SLC8A1: variants seen among roughly 807,000 people sequenced by gnomAD.
The protein encoded by SLC8A1 is sodium/calcium exchanger 1.
In SLC8A1, 18 loss-of-function variants were observed where a neutral mutation model predicts 68.3. That is an observed-to-expected ratio of 0.26 (90% CI 0.18 to 0.39). SLC8A1 has a LOEUF of 0.39. SLC8A1 is among the 10% of genes least tolerant of loss of function. The probability of loss-of-function intolerance (pLI) is 1.00; values close to 1 mark genes in which losing one functional copy is unlikely to be tolerated. For synonymous variants in SLC8A1, 475 were observed against 415.5 expected (o/e 1.14, Z -1.74); for missense variants, 985 against 1,156.7 (o/e 0.85, Z 2.15).
chr2:40,463,625 C>A (rs1703468563), intron 1 of SLC8A1, among the ~76,000 whole-genome samples: 1 of 152,056 alleles, frequency 6.6e-6, no homozygotes, highest in Non-Finnish European at 1.5e-5. Context: ...CATGGTTTTA[C>A]TTTCATTGCT....
At chr2:40,370,064 G>A (rs1163066183) in intron 2 of SLC8A1, among the ~76,000 whole-genome samples, 2 of 152,096 alleles carry the variant, frequency 1.3e-5, no homozygotes, top group African/African-American at 2.4e-5. Context: ...ACACAATACA[G>A]GGAGACATGG....
chr2:40,366,610 GA>G (rs1244299494), intron 2 of SLC8A1, among the ~76,000 whole-genome samples: 1 of 151,972 alleles, frequency 6.6e-6, no homozygotes, highest in Admixed American at 6.6e-5. Context: ...GCTTAAAGAG[GA>G]TTATATAACT....
chr2:40,396,748 T>TAAAAAAAAAAAAAA lies in SLC8A1; in HGVS notation c.1808+31711_1808+31724dup, dbSNP rs368483768. On this transcript the variant is annotated intron_variant, in intron 2 of 7. Coordinates refer to ENST00000406785, the Ensembl canonical transcript of SLC8A1. ...TTTAACCTCCATCATCTCTAATAAC[T>TAAAAAAAAAAAAAA]AAAAAAAAAAAAAAAAAAAAAAAAA... 3.9e-4 allele frequency among the ~76,000 whole-genome samples: 34 copies of TAAAAAAAAAAAAAA among 87,056 alleles called. 1 individual carries two copies. The highest frequency in any genetic ancestry group is 6.8e-4 in the African/African-American group (11 of 16,128). 57.1% of individuals were successfully genotyped at this position (87,056 alleles called of 152,430 possible). A position where few individuals can be genotyped will look rare whatever the true frequency, so the allele number is the denominator to read the frequency against.
intron 4 of SLC8A1, among the ~76,000 whole-genome samples, chr2:40,169,590 C>T (rs1488753742): frequency 2.0e-5 from 3 of 152,160 alleles, no homozygotes; most frequent in Non-Finnish European, 4.4e-5. Flanking sequence ...TGGCTAACAT[C>T]ATGTTGCCTG....
chr2:40,357,465 C>A (rs115382566), intron 2 of SLC8A1, among the ~76,000 whole-genome samples: 117 of 146,302 alleles, frequency 8.0e-4, no homozygotes, highest in African/African-American at 2.8e-3. Context: ...CCACTGCATG[C>A]CGGCCTGGGC....
chr2:40,368,205 T>G (rs1676880925), intron 2 of SLC8A1, among the ~76,000 whole-genome samples: 1 of 152,062 alleles, frequency 6.6e-6, no homozygotes, highest in Non-Finnish European at 1.5e-5. Flanking sequence ...GGTGAACCAG[T>G]TATCAAAACT....
chr2:40,138,296 A>G (rs2040903338), intron 7 of SLC8A1, among the ~76,000 whole-genome samples: 1 of 152,176 alleles, frequency 6.6e-6, no homozygotes, highest in Non-Finnish European at 1.5e-5. Flanking sequence ...TCAAACCAAA[A>G]GTCAGGCTTG....
At chr2:40,420,538 G>C (rs573655870) in intron 2 of SLC8A1, among the ~76,000 whole-genome samples, 81 of 152,272 alleles carry the variant, frequency 5.3e-4, no homozygotes, top group Admixed American at 2.2e-3. Context: ...TATTGTGTGA[G>C]AGAAAAAAGC....
chr2:40,198,653 A>C (rs73924573), intron 2 of SLC8A1, among the ~76,000 whole-genome samples: 16,456 of 151,924 alleles, frequency 0.11, 988 homozygotes, highest in Non-Finnish European at 0.13. Context: ...ACCCAAAGTC[A>C]GAGACCTTGA....
intron 7 of SLC8A1, among the ~76,000 whole-genome samples, chr2:40,135,422 G>A (rs960516919): frequency 6.6e-5 from 10 of 152,176 alleles, no homozygotes; most frequent in African/African-American, 2.4e-4. Flanking sequence ...TTATAGGAAA[G>A]GTCAGCCAGG....
chr2:40,238,140 G>A (rs1050415373), intron 2 of SLC8A1, among the ~76,000 whole-genome samples: 53 of 152,200 alleles, frequency 3.5e-4, no homozygotes, highest in African/African-American at 1.2e-3. Flanking sequence ...CACCCAGTTC[G>A]AGCTTCCCGG....
intron 2 of SLC8A1, among the ~76,000 whole-genome samples, chr2:40,342,876 C>T (rs1668140366): frequency 6.6e-6 from 1 of 152,088 alleles, no homozygotes; most frequent in South Asian, 2.1e-4. Flanking sequence ...GTTCTTGATA[C>T]TGTGTTAAAC....
At chr2:40,407,849 C>G (rs2149685844) in intron 2 of SLC8A1, among the ~76,000 whole-genome samples, 1 of 152,248 alleles carries the variant, frequency 6.6e-6, no homozygotes, top group South Asian at 2.1e-4. Context: ...CTTTTCTGGC[C>G]AACTCTCTTT....
At chr2:40,182,767 T>C (rs911609319) in intron 2 of SLC8A1, among the ~76,000 whole-genome samples, 1 of 152,178 alleles carries the variant, frequency 6.6e-6, no homozygotes, top group East Asian at 1.9e-4. Context: ...AAAGAAAGTC[T>C]CTTCAAAATA....
At chr2:40,281,658 A>G (rs1352004223) in intron 2 of SLC8A1, among the ~76,000 whole-genome samples, 1 of 152,212 alleles carries the variant, frequency 6.6e-6, no homozygotes, top group Non-Finnish European at 1.5e-5. Context: ...GGCAACTTAC[A>G]AAGAAAAGCT....
intron 2 of SLC8A1, among the ~76,000 whole-genome samples, chr2:40,339,802 G>A (rs2149403349): frequency 6.6e-6 from 1 of 152,208 alleles, no homozygotes; most frequent in South Asian, 2.1e-4. Flanking sequence ...TGGATAGAAA[G>A]ACAGACAGAA....
intron 2 of SLC8A1, among the ~76,000 whole-genome samples, chr2:40,260,718 AAAGAT>A (rs1162597249): frequency 6.6e-6 from 1 of 152,176 alleles, no homozygotes; most frequent in Admixed American, 6.5e-5. Flanking sequence ...CTTTCCTTTC[AAAGAT>A]AAGAAAATGT....
chr2:40,303,159 T>C (rs571621556), intron 2 of SLC8A1, among the ~76,000 whole-genome samples: 1 of 152,360 alleles, frequency 6.6e-6, no homozygotes, highest in South Asian at 2.1e-4. Flanking sequence ...AATTCTCAGC[T>C]GACCATACGC....
chr2:40,209,757 T>A (rs1574089932), intron 2 of SLC8A1, among the ~76,000 whole-genome samples: 1 of 152,240 alleles, frequency 6.6e-6, no homozygotes, highest in East Asian at 1.9e-4. Flanking sequence ...CTCTTCTGAT[T>A]GCTTCTATTT....
Sources: gnomAD v4.1 joint callset for allele counts (sites outside exome capture counted in the v4.1 genomes callset) on GRCh38, gnomAD v4.1.1 for gene constraint, MANE v1.5 for transcripts, NCBI Gene and HGNC (gene_info 2026-07-23, HGNC 2026-07-21) for gene names.